Variants in WDFY3 observed in about 807,000 individuals in gnomAD.
WDFY3 encodes WD repeat and FYVE domain-containing protein 3.
Under a neutral mutation model 409.6 loss-of-function variants are expected in WDFY3, and 66 were observed. The observed-to-expected ratio is 0.16, with a 90% CI of 0.13 to 0.20. The LOEUF (loss-of-function observed/expected upper bound fraction) is 0.20. Ranked by LOEUF, WDFY3 falls within the 10% of genes least tolerant of loss-of-function variation. WDFY3 has a pLI of 1.00. For missense variants in WDFY3, 3,031 were observed against 4,298.1 expected, an observed-to-expected ratio of 0.71 and a Z score of 8.24; for synonymous variants, 1,521 against 1,537.1, an observed-to-expected ratio of 0.99 and a Z score of 0.25.
rs17009328 is a variant in WDFY3, at chr4:84,858,708, T to C, written c.180+1704A>G. Among the ~76,000 whole-genome samples, 925 of 145,302 alleles carry C rather than the reference T, an allele frequency of 6.4e-3. 11 individuals carry two copies. The highest frequency in any genetic ancestry group is 0.023 in the African/African-American group (889 of 38,876). ...GCCTAGAAAATTTCACACAAAAAGA[T>C]AGATGAACAGAGAAAATAATATAGA... is the stretch of plus-strand genomic sequence containing the variant. On this transcript the variant is annotated intron_variant, in intron 4 of 67. Coordinates refer to ENST00000295888, the MANE Select transcript of WDFY3 (RefSeq NM_014991.6).
chr4:84,672,570 TA>T lies in WDFY3; in HGVS notation c.*297del, dbSNP rs1290598637. On this transcript the variant is annotated 3_prime_UTR_variant, in exon 68 of 68. Transcript: ENST00000295888. The stretch of plus-strand genomic sequence containing the variant: ...AAAATGAGATGCAAGAAAAGAGAGT[TA>T]ATAAGTGAGGATTTTTCTCTTGGAG... 25 of 216,040 alleles carry T rather than the reference TA, an allele frequency of 1.2e-4. No homozygotes were observed. Among genetic ancestry groups the T allele is most frequent in the African/African-American group, 4.8e-4 (21 of 43,962 alleles). The allele number at this position is 216,040 out of a possible 1,614,324, so 13.4% of individuals were successfully genotyped here. A position where few individuals can be genotyped will look rare whatever the true frequency, so the allele number is the denominator to read the frequency against.
In WDFY3 at chr4:84,696,805, G is replaced by A. The variant is rs1010411274; in HGVS notation, c.8615C>T (p.Thr2872Ile). Residue 2872 changes from threonine to isoleucine, a missense_variant, in exon 57 of 68, where the codon ACC becomes ATC. By Grantham distance (89) the Thr-to-Ile change is moderately conservative. Coordinates refer to ENST00000295888, the MANE Select transcript of WDFY3 (RefSeq NM_014991.6). ...TGGAAGGATAACATCTCCAAGCTTG[G>A]TGCCATTTTGTTTACAGCCTATGCA... ...NFDLGCKQNGTKLGDVILPPW... is the reference protein window; with the variant it reads ...NFDLGCKQNGIKLGDVILPPW... 1.9e-6 allele frequency: 3 copies of A among 1,613,538 alleles called. No homozygotes were observed. The highest frequency in any genetic ancestry group is 1.7e-6 in the Non-Finnish European group (2 of 1,179,786).
At chr4:84,700,105 A>C (rs1195363776) in intron 56 of WDFY3, among the ~76,000 whole-genome samples, 2 of 152,082 alleles carry the variant, frequency 1.3e-5, no homozygotes, top group African/African-American at 4.8e-5. Context: ...TTTTGATATC[A>C]TATTTAAGAA....
chr4:84,882,520 ATATG>A (rs1763673311), intron 3 of WDFY3, among the ~76,000 whole-genome samples: 1 of 152,138 alleles, frequency 6.6e-6, no homozygotes. Context: ...ATTTTAAATT[ATATG>A]TATATTATGT....
chr4:84,850,837 G>T (rs746234216), intron 4 of WDFY3, among the ~76,000 whole-genome samples: 1 of 150,422 alleles, frequency 6.6e-6, no homozygotes, highest in Non-Finnish European at 1.5e-5. Flanking sequence ...AAACAGAAAT[G>T]GGAGGGTCAT....
chr4:84,742,964 T>C (rs1166545562), intron 37 of WDFY3, among the ~76,000 whole-genome samples: 7 of 152,210 alleles, frequency 4.6e-5, no homozygotes, highest in African/African-American at 1.7e-4. Flanking sequence ...TTGTGTAGTA[T>C]GACTGCTCTA....
chr4:84,710,681 A>G (rs1732732957), intron 51 of WDFY3, among the ~76,000 whole-genome samples: 1 of 152,236 alleles, frequency 6.6e-6, no homozygotes, highest in Non-Finnish European at 1.5e-5. Context: ...ATGGAAGATT[A>G]AAGTTGGAAA....
At chr4:84,892,023 AT>A (rs200646761) in intron 3 of WDFY3, among the ~76,000 whole-genome samples, 11,537 of 135,758 alleles carry the variant, frequency 0.085, 1,173 homozygotes, top group African/African-American at 0.26. Flanking sequence ...ATGGCCTTCA[AT>A]TTTTTTTTTT....
At chr4:84,866,451 T>C (rs1761404181) in intron 3 of WDFY3, among the ~76,000 whole-genome samples, 1 of 151,940 alleles carries the variant, frequency 6.6e-6, no homozygotes, top group Non-Finnish European at 1.5e-5. Context: ...CAGGCCAGAG[T>C]AGCAAAGGAT....
chr4:84,674,424 G>T (rs922831240), intron 67 of WDFY3, among the ~76,000 whole-genome samples: 1 of 152,038 alleles, frequency 6.6e-6, no homozygotes, highest in Non-Finnish European at 1.5e-5. Context: ...ACAAAAATTA[G>T]CCAGGTGTGG....
At chr4:84,683,607 T>C (rs1270565196) in intron 63 of WDFY3, among the ~76,000 whole-genome samples, 1 of 152,194 alleles carries the variant, frequency 6.6e-6, no homozygotes, top group Non-Finnish European at 1.5e-5. Context: ...ATGTTTTCCC[T>C]ACGAAGCCAT....
intron 36 of WDFY3, among the ~76,000 whole-genome samples, chr4:84,749,693 G>A (rs967509870): frequency 6.6e-6 from 1 of 152,130 alleles, no homozygotes; most frequent in Non-Finnish European, 1.5e-5. Context: ...AATACACCAA[G>A]GCACTGTGCT....
chr4:84,812,465 C>T (rs186946176), intron 13 of WDFY3, among the ~76,000 whole-genome samples: 133 of 152,172 alleles, frequency 8.7e-4, no homozygotes, highest in Non-Finnish European at 1.4e-3. Flanking sequence ...ATCCCAGTTA[C>T]TTAACCTTTC....
chr4:84,793,900 C>A (rs1436757485), intron 21 of WDFY3, among the ~76,000 whole-genome samples: 2 of 151,620 alleles, frequency 1.3e-5, no homozygotes, highest in Non-Finnish European at 2.9e-5. Flanking sequence ...ATTAGATGAC[C>A]AAAAAAATCA....
chr4:84,773,247 G>C (rs1383825730), intron 29 of WDFY3, among the ~76,000 whole-genome samples: 1 of 152,126 alleles, frequency 6.6e-6, no homozygotes, highest in African/African-American at 2.4e-5. Context: ...TATTTAGTTT[G>C]CTTCCTCTTG....
At chr4:84,951,842 G>A (rs4376130) in intron 1 of WDFY3, among the ~76,000 whole-genome samples, 74,211 of 152,036 alleles carry the variant, frequency 0.49, 21,076 homozygotes, top group African/African-American at 0.8. Flanking sequence ...CAATAAGCAG[G>A]GTAGGAAGAA....
intron 1 of WDFY3, among the ~76,000 whole-genome samples, chr4:84,959,991 T>C (rs556258146): frequency 2.0e-5 from 3 of 152,344 alleles, no homozygotes; most frequent in South Asian, 2.1e-4. Context: ...GATCGAATTA[T>C]GTCAGTCTAT....
At chr4:84,798,199 C>T (rs1365381876) in intron 17 of WDFY3, 91 bp from the exon 18 acceptor site, 1 of 1,110,516 alleles carries the variant, frequency 9.0e-7, no homozygotes, top group Non-Finnish European at 1.3e-6. Context: ...TAATAAATTC[C>T]AACAGACTAA....
chr4:84,761,879 C>T lies in WDFY3; in HGVS notation c.5188+3931G>A, dbSNP rs530872051. On this transcript the variant is annotated intron_variant, in intron 32 of 67. Coordinates refer to ENST00000295888, the MANE Select transcript of WDFY3 (RefSeq NM_014991.6). ...ATGAAAAAATGCTCACCATCACTGG[C>T]CATCAGAGAAATGCAAATCAAAACC... Among the ~76,000 whole-genome samples, 4 of 152,290 alleles carry T rather than the reference C, an allele frequency of 2.6e-5. No homozygotes were observed. The South Asian group carries it at 8.3e-4, about 32-fold the overall frequency.
Sources: allele counts gnomAD v4.1 joint callset (sites outside exome capture counted in the v4.1 genomes callset), GRCh38; gene constraint gnomAD v4.1.1; transcripts MANE v1.5; gene names NCBI Gene and HGNC (gene_info 2026-07-23, HGNC 2026-07-21).